ADGRB3: variants seen among roughly 807,000 people sequenced by gnomAD.
The protein encoded by ADGRB3 is brain-specific angiogenesis inhibitor 3.
ADGRB3 carries 37 observed loss-of-function variants against 193.4 expected under a neutral mutation model. The ratio of observed to expected loss-of-function variants is 0.19; its 90% CI spans 0.15 to 0.25. The LOEUF (loss-of-function observed/expected upper bound fraction) is 0.25. ADGRB3 is among the 10% of genes least tolerant of loss of function. The pLI, the probability that ADGRB3 is intolerant of heterozygous loss-of-function variation, is 1.00. For missense variants in ADGRB3, 1,637 were observed against 1,852.9 expected, an observed-to-expected ratio of 0.88 and a Z score of 2.14; for synonymous variants, 690 against 644.2, an observed-to-expected ratio of 1.07 and a Z score of -1.08.
intron 3 of ADGRB3, among the ~76,000 whole-genome samples, chr6:68,684,856 A>G (rs949340751): frequency 6.6e-6 from 1 of 152,134 alleles, no homozygotes; most frequent in African/African-American, 2.4e-5. Flanking sequence ...AGTAATATTT[A>G]GACTTGGCTC....
At position 69,339,334 on chromosome 6, in the gene ADGRB3, G is replaced by T; in HGVS notation, c.3289G>T (p.Ala1097Ser). ...LSATTASNAM[A>S]SLWSSCVVLP... ...ATGTTACTTTCTTGGTCTCAACAGGGCGTCTCTTTGGAGCTCCTGTGTGGT... is the reference window on the plus strand; with the variant it reads ...ATGTTACTTTCTTGGTCTCAACAGGTCGTCTCTTTGGAGCTCCTGTGTGGT... The change falls in exon 26 of 32, where the codon GCG becomes TCG. Residue 1097 changes from alanine to serine, a missense_variant and splice_region_variant. By Grantham distance (99) the Ala-to-Ser change is moderately conservative (BLOSUM62 1). Coordinates refer to ENST00000370598, the MANE Select transcript of ADGRB3 (RefSeq NM_001704.3). 1.2e-6 allele frequency: 2 copies of T among 1,613,670 alleles called. No individual in the cohort carries two copies. Among genetic ancestry groups the T allele is most frequent in the Admixed American group, 1.7e-5 (1 of 59,992 alleles).
At chr6:69,315,656 T>C (rs1019252513) in intron 20 of ADGRB3, among the ~76,000 whole-genome samples, 1 of 151,416 alleles carries the variant, frequency 6.6e-6, no homozygotes, top group African/African-American at 2.4e-5. Context: ...CATAGCATAA[T>C]TAATGAGTAA....
In ADGRB3 at chr6:69,074,074, G is replaced by A. The variant is rs1426763367; in HGVS notation, c.2437-1921G>A. On this transcript the variant is annotated intron_variant, in intron 16 of 31. Coordinates refer to ENST00000370598, the MANE Select transcript of ADGRB3 (RefSeq NM_001704.3). Reference sequence around the variant, plus strand: ...TTTATGACTAAATTTCCATCCAGAAGCAAGAAAAAGATCATTTTTTACTAA... The same window carrying A: ...TTTATGACTAAATTTCCATCCAGAAACAAGAAAAAGATCATTTTTTACTAA... Among the ~76,000 whole-genome samples the A allele has an allele frequency of 2.0e-5, 3 of 151,940 alleles. 1 individual carries two copies. The East Asian group carries it at 5.8e-4, about 30-fold the overall frequency.
At chr6:68,758,828 T>G (rs1012677805) in intron 3 of ADGRB3, among the ~76,000 whole-genome samples, 1 of 152,184 alleles carries the variant, frequency 6.6e-6, no homozygotes, top group Non-Finnish European at 1.5e-5. Context: ...TATGTCTGTC[T>G]GACCACCCTT....
intron 17 of ADGRB3, among the ~76,000 whole-genome samples, chr6:69,111,519 C>G (rs986616885): frequency 6.6e-6 from 1 of 152,166 alleles, no homozygotes; most frequent in Non-Finnish European, 1.5e-5. Context: ...AGTACGGAAG[C>G]CTCATAGAGA....
intron 3 of ADGRB3, among the ~76,000 whole-genome samples, chr6:68,918,999 C>A (rs919540799): frequency 2.0e-5 from 3 of 151,668 alleles, no homozygotes; most frequent in Non-Finnish European, 4.4e-5. Context: ...TCTCATTTTC[C>A]CACCATTTTT....
chr6:69,269,467 G>A (rs1412382357), intron 20 of ADGRB3, among the ~76,000 whole-genome samples: 1 of 152,156 alleles, frequency 6.6e-6, no homozygotes, highest in Non-Finnish European at 1.5e-5. Flanking sequence ...TGTGCTTGTA[G>A]TTGCATGTTC....
At chr6:68,948,656 G>A (rs188013252) in intron 6 of ADGRB3, among the ~76,000 whole-genome samples, 319 of 152,146 alleles carry the variant, frequency 2.1e-3, no homozygotes, top group Non-Finnish European at 3.6e-3. Flanking sequence ...TATTAGAGGA[G>A]CTAATGATTT....
At chr6:68,862,273 GT>G (rs1406430588) in intron 3 of ADGRB3, among the ~76,000 whole-genome samples, 1 of 152,040 alleles carries the variant, frequency 6.6e-6, no homozygotes, top group African/African-American at 2.4e-5. Context: ...GTCAAAAGTT[GT>G]GACATTAATT....
chr6:69,011,957 C>T (rs1326730083), intron 11 of ADGRB3, among the ~76,000 whole-genome samples: 1 of 151,986 alleles, frequency 6.6e-6, no homozygotes, highest in Non-Finnish European at 1.5e-5. Flanking sequence ...TTAGTAAAGC[C>T]ACATTTGTTG....
intron 27 of ADGRB3, among the ~76,000 whole-genome samples, chr6:69,355,476 T>G (rs1200083185): frequency 2.0e-5 from 3 of 152,214 alleles, no homozygotes; most frequent in African/African-American, 7.2e-5. Flanking sequence ...TTAAGAATAT[T>G]CATAATAATT....
In ADGRB3 at chr6:69,007,666, A is replaced by ATCTC. The variant is rs754438943; in HGVS notation, c.1930-6347_1930-6344dup. Among the ~76,000 whole-genome samples the ATCTC allele has an allele frequency of 4.1e-3, 580 of 140,686 alleles. 1 individual carries two copies. Among genetic ancestry groups the ATCTC allele is most frequent in the Non-Finnish European group, 6.2e-3 (404 of 65,648 alleles). The allele number at this position is 140,686 out of a possible 152,430, so 92.3% of individuals were successfully genotyped here. On this transcript the variant is annotated intron_variant, in intron 11 of 31. Coordinates refer to ENST00000370598, the MANE Select transcript of ADGRB3 (RefSeq NM_001704.3). ...CCTGATGACTATCTAATCTAAAGTA[A>ATCTC]TCTCTCTCTCTCTCTCTCTCTCTCT...
chr6:68,919,386 CT>C (rs1562085998), intron 3 of ADGRB3, among the ~76,000 whole-genome samples: 2 of 152,120 alleles, frequency 1.3e-5, no homozygotes, highest in African/African-American at 4.8e-5. Flanking sequence ...ATGATTATTT[CT>C]TTTAATAAAT....
intron 3 of ADGRB3, among the ~76,000 whole-genome samples, chr6:68,752,555 G>A (rs1376868539): frequency 6.6e-6 from 1 of 152,108 alleles, no homozygotes; most frequent in African/African-American, 2.4e-5. Context: ...TTACAGGCGC[G>A]AGCCACTGTA....
In ADGRB3 at chr6:68,669,262, A is replaced by G. The variant is rs116463727; in HGVS notation, c.757+29830A>G. On this transcript the variant is annotated intron_variant, in intron 3 of 31. Coordinates refer to ENST00000370598, the MANE Select transcript of ADGRB3 (RefSeq NM_001704.3). ...TCTTTTAGTTTTTTAAAAATGTACA[A>G]TGAAATTATTATTGACTACAATTAC... 3.6e-3 allele frequency among the ~76,000 whole-genome samples: 542 copies of G among 152,016 alleles called. 1 individual carries two copies. Among genetic ancestry groups the G allele is most frequent in the African/African-American group, 0.011 (470 of 41,502 alleles).
At chr6:69,016,509 A>G (rs1770097640) in intron 12 of ADGRB3, among the ~76,000 whole-genome samples, 1 of 151,918 alleles carries the variant, frequency 6.6e-6, no homozygotes, top group South Asian at 2.1e-4. Context: ...ATTGGCAGTG[A>G]CCATCTTGTT....
chr6:68,813,600 C>T (rs1272392925), intron 3 of ADGRB3, among the ~76,000 whole-genome samples: 2 of 151,252 alleles, frequency 1.3e-5, no homozygotes, highest in South Asian at 2.1e-4. Context: ...TACATGTGCA[C>T]AACGTGCAGG....
intron 20 of ADGRB3, among the ~76,000 whole-genome samples, chr6:69,305,665 T>A (rs1768053869): frequency 6.6e-6 from 1 of 151,214 alleles, no homozygotes; most frequent in African/African-American, 2.4e-5. Context: ...CCTACAGCCA[T>A]GGTGACGTTT....
At chr6:69,253,754 G>C (rs1423800197) in intron 20 of ADGRB3, among the ~76,000 whole-genome samples, 1 of 152,068 alleles carries the variant, frequency 6.6e-6, no homozygotes, top group Non-Finnish European at 1.5e-5. Context: ...CTAAAGCAGA[G>C]TATTTTCCTT....
Sources: allele counts gnomAD v4.1 joint callset (sites outside exome capture counted in the v4.1 genomes callset), GRCh38; gene constraint gnomAD v4.1.1; transcripts MANE v1.5; gene names NCBI Gene and HGNC (gene_info 2026-07-23, HGNC 2026-07-21).